Variants in ASIC4 observed in about 807,000 individuals in gnomAD.
ASIC4 encodes the protein acid sensing ion channel subunit family member 4.
A neutral mutation model predicts 53.4 loss-of-function variants in ASIC4; 28 were observed. That is an observed-to-expected ratio of 0.52 (90% CI 0.39 to 0.72). The LOEUF (loss-of-function observed/expected upper bound fraction) is 0.72, where lower values mean the gene tolerates loss of function less well. ASIC4 is among the 30% of genes least tolerant of loss of function. The probability of loss-of-function intolerance (pLI) is 0.00; values close to 1 mark genes in which losing one functional copy is unlikely to be tolerated. For synonymous variants in ASIC4, 289 were observed against 301.4 expected, an observed-to-expected ratio of 0.96 and a Z score of 0.43; for missense variants, 649 against 729.7, an observed-to-expected ratio of 0.89 and a Z score of 1.27.
At chr2:219,535,100 T>A in intron 5 of ASIC4, 71 bp from the exon 6 acceptor site, 1 of 1,549,252 alleles carries the variant, frequency 6.5e-7, no homozygotes. Flanking sequence ...CTGGGCCTCC[T>A]CTCTGCAGCT....
Position 219,535,334 on chromosome 2 carries a change from T to G in ASIC4, c.1229+10T>G. On this transcript the variant is annotated intron_variant, in intron 6 of 9. Transcript: ENST00000358078. The stretch of plus-strand genomic sequence containing the variant: ...ACGAGACCTACATACGGTATGTGTG[T>G]GTGTGTGTGGGGGGTGGCTGTGTGA... 6.5e-7 allele frequency: 1 copy of G among 1,548,536 alleles called. No homozygotes were observed. Among genetic ancestry groups the G allele is most frequent in the Non-Finnish European group, 8.7e-7 (1 of 1,144,096 alleles).
At chr2:219,526,054 C>A (rs1281775300) in intron 1 of ASIC4, among the ~76,000 whole-genome samples, 2 of 152,110 alleles carry the variant, frequency 1.3e-5, no homozygotes, top group Non-Finnish European at 1.5e-5. Context: ...GGGCCCTCCC[C>A]CTGCCACAGC....
At chr2:219,508,740 G>A in the ASIC4 span, among the ~76,000 whole-genome samples, 1 of 151,656 alleles carries the variant, frequency 6.6e-6, no homozygotes, top group Admixed American at 6.6e-5. Flanking sequence ...GCTGTTTAGG[G>A]GTAGGAGGGC....
Position 219,532,831 on chromosome 2 carries a change from G to A in ASIC4, c.1019-52G>A, listed in dbSNP as rs374188926. ...GTATGTGCTTACATTTGGGCGTGTG[G>A]GGGACAGGGGAAGTGATCGTAGATT... On this transcript the variant is annotated intron_variant, in intron 4 of 9. Transcript: ENST00000358078. 1.2e-5 allele frequency: 18 copies of A among 1,547,078 alleles called. No homozygotes were observed. The African/African-American group carries it at 2.4e-4, about 21-fold the overall frequency.
At position 219,537,676 on chromosome 2, in the gene ASIC4, C is replaced by T. The variant is rs959583672; in HGVS notation, c.1446C>T (p.Thr482=). 15 of 1,613,924 alleles carry T rather than the reference C, an allele frequency of 9.3e-6. No homozygotes were observed. The Admixed American group carries it at 2.5e-4, about 27-fold the overall frequency. The change falls in exon 9 of 10, where the codon ACC becomes ACT. Residue 482 remains threonine (T), a synonymous_variant. Coordinates refer to ENST00000358078, the MANE Select transcript of ASIC4 (RefSeq NM_018674.6). This position sits in a 1 kb window ranked among gnomAD's most constrained non-coding sequence, Gnocchi z 4.9. The stretch of plus-strand genomic sequence containing the variant: ...AGCGGGTATGGAGGCGTCCCAAGAC[C>T]CCCCTGCGGACCTCCACTGGGGGCA... ...RLKRVWRRPK[T]PLRTSTGGIS... is the part of the protein sequence containing the mutation.
In ASIC4 at chr2:219,514,539, G is replaced by A. The variant is rs1332035881; in HGVS notation, c.-186G>A. The A allele has an allele frequency of 5.1e-6, 8 of 1,555,658 alleles. No individual in the cohort carries two copies. Among genetic ancestry groups the A allele is most frequent in the East Asian group, 2.4e-5 (1 of 41,176 alleles). ...GCGGCAGAGGCAGCACCAGGGCTGCGGAGCTGCTGGGAGTGGGAGTGACTC... is the reference window on the plus strand; with the variant it reads ...GCGGCAGAGGCAGCACCAGGGCTGCAGAGCTGCTGGGAGTGGGAGTGACTC... On this transcript the variant is annotated 5_prime_UTR_variant, in exon 1 of 10. Transcript: ENST00000358078.
At chr2:219,531,679 C>G in intron 1 of ASIC4, 79 bp from the exon 2 acceptor site, 1 of 1,491,146 alleles carries the variant, frequency 6.7e-7, no homozygotes, top group Non-Finnish European at 9.0e-7. Flanking sequence ...TGGTGGCCCT[C>G]AGCAGGGAGC....
In ASIC4 at chr2:219,531,883, G is replaced by GC; in HGVS notation, c.711dup (p.Ile238HisfsTer7). On this transcript the variant is annotated frameshift_variant, in exon 2 of 10. Transcript: ENST00000358078. LOFTEE classifies it high-confidence loss of function. ...TGGACATCCAGCAGGAGGAGTACCTGCCCATCTGGAGGGAGACAAGTACGC... is the reference window on the plus strand; with the variant it reads ...TGGACATCCAGCAGGAGGAGTACCTGCCCCATCTGGAGGGAGACAAGTACGC... 6.2e-7 allele frequency: 1 copy of GC among 1,612,172 alleles called. No individual in the cohort carries two copies. The highest frequency in any genetic ancestry group is 1.1e-5 in the South Asian group (1 of 90,784).
upstream of ASIC4, chr2:219,514,386 GCGCTCGCTCCCTCGCTCACT>G (rs1283546626): frequency 4.5e-6 from 7 of 1,547,342 alleles, no homozygotes; most frequent in Non-Finnish European, 6.1e-6. Flanking sequence ...TGGCGGAGCA[GCGCTCGCTCCCTCGCTCACT>G]CGCTCGCTCG....
In ASIC4 at chr2:219,531,739, C is replaced by G. The variant is rs1417991115; in HGVS notation, c.583-19C>G. The G allele has an allele frequency of 1.7e-5, 26 of 1,557,886 alleles. No homozygotes were observed. Among genetic ancestry groups the G allele is most frequent in the African/African-American group, 4.1e-5 (3 of 73,096 alleles). On this transcript the variant is annotated intron_variant, in intron 1 of 9. Transcript: ENST00000358078. ...CACTCCTTTCATCTCCCCTCCTGCTCTCTCACCCCACCTCCCAGGTCTATA... is the reference window on the plus strand; with the variant it reads ...CACTCCTTTCATCTCCCCTCCTGCTGTCTCACCCCACCTCCCAGGTCTATA...
At chr2:219,528,414 G>T (rs1694991122) in intron 1 of ASIC4, among the ~76,000 whole-genome samples, 1 of 151,842 alleles carries the variant, frequency 6.6e-6, no homozygotes, top group Non-Finnish European at 1.5e-5. Flanking sequence ...AGTAGAGACG[G>T]GAGTTTCACC....
Position 219,538,277 on chromosome 2 carries a change from T to G in ASIC4, c.*231T>G. 1 of 544,762 alleles carries G rather than the reference T, an allele frequency of 1.8e-6. No individual in the cohort carries two copies. Among genetic ancestry groups the G allele is most frequent in the Non-Finnish European group, 3.3e-6 (1 of 307,472 alleles). 33.7% of individuals were successfully genotyped at this position (544,762 alleles called of 1,614,324 possible). A position where few individuals can be genotyped will look rare whatever the true frequency, so the allele number is the denominator to read the frequency against. On this transcript the variant is annotated 3_prime_UTR_variant, in exon 10 of 10. Transcript: ENST00000358078. ...CCCGGGAGGGCTGGAGACCAGGCCA[T>G]GGGCCCTCACGGAGAGGAAGGGAAG... is the stretch of plus-strand genomic sequence containing the variant.
intron 6 of ASIC4, 72 bp downstream of exon 6, chr2:219,535,396 A>T: frequency 7.0e-7 from 1 of 1,436,174 alleles, no homozygotes; most frequent in Non-Finnish European, 9.3e-7. Context: ...TGGCTGTGTG[A>T]CTCTGTGTGT....
chr2:219,534,114 G>A (rs1436138270), intron 5 of ASIC4: 4 of 151,846 alleles, frequency 2.6e-5, no homozygotes, highest in East Asian at 1.9e-4. Context: ...GGAATGCCAG[G>A]TGAGTCCAAT....
At chr2:219,534,502 CG>C (rs1695095569) in intron 5 of ASIC4, among the ~76,000 whole-genome samples, 1 of 152,188 alleles carries the variant, frequency 6.6e-6, no homozygotes, top group Non-Finnish European at 1.5e-5. Context: ...GAAAGCCAGG[CG>C]GGAGAAATAC....
chr2:219,526,945 G>A (rs1694970815), intron 1 of ASIC4, among the ~76,000 whole-genome samples: 1 of 152,200 alleles, frequency 6.6e-6, no homozygotes, highest in Non-Finnish European at 1.5e-5. Context: ...CAGAGGCTGA[G>A]AGCTGGTGAT....
chr2:219,520,149 T>C (rs1456349538), intron 1 of ASIC4, among the ~76,000 whole-genome samples: 2 of 152,076 alleles, frequency 1.3e-5, no homozygotes, highest in Non-Finnish European at 2.9e-5. Context: ...CTATGGGCTC[T>C]CCGGTCTCCC....
In ASIC4 at chr2:219,536,714, C is replaced by T. The variant is rs554084222; in HGVS notation, c.1230-352C>T. On this transcript the variant is annotated intron_variant, in intron 6 of 9. Transcript: ENST00000358078. The surrounding 1 kb of genome is among the most constrained non-coding windows in gnomAD (Gnocchi z 4.6). ...ACAGGCCACCGGCTGCCCAGGACAC[C>T]GAGAAGGGGCATTGTGGAGTGGACT... Among the ~76,000 whole-genome samples the T allele has an allele frequency of 3.0e-4, 46 of 152,068 alleles. No individual in the cohort carries two copies. The highest frequency in any genetic ancestry group is 9.2e-4 in the Admixed American group (14 of 15,278).
At chr2:219,507,119 C>T in the ASIC4 span, 1 of 316,994 alleles carries the variant, frequency 3.2e-6, no homozygotes, top group Non-Finnish European at 5.9e-6. Context: ...AATCTGGAGC[C>T]CTGGTAAATC....
Sources: gnomAD v4.1 joint callset for allele counts (sites outside exome capture counted in the v4.1 genomes callset) on GRCh38, gnomAD v4.1.1 for gene constraint, Gnocchi (gnomAD v3.1) non-coding constraint, MANE v1.5 for transcripts, NCBI Gene and HGNC (gene_info 2026-07-23, HGNC 2026-07-21) for gene names.